The following ANKRD6 variants were observed in gnomAD, a reference collection of about 807,000 sequenced individuals.
ANKRD6 encodes the protein ankyrin repeat domain 6.
A neutral mutation model predicts 82.3 loss-of-function variants in ANKRD6; 56 were observed. That is an observed-to-expected ratio of 0.68 (90% CI 0.55 to 0.85). The LOEUF is 0.85. Among genes scored for constraint, ANKRD6 ranks in the 40% least tolerant of loss-of-function variants. The pLI, the probability that ANKRD6 is intolerant of heterozygous loss-of-function variation, is 0.00. For synonymous variants in ANKRD6, 347 were observed against 352.1 expected (o/e 0.99, Z 0.16); for missense variants, 852 against 907.6 (o/e 0.94, Z 0.79).
intron 1 of ANKRD6, among the ~76,000 whole-genome samples, chr6:89,517,749 T>C (rs1357879909): frequency 6.6e-6 from 1 of 152,252 alleles, no homozygotes; most frequent in Admixed American, 6.5e-5. Flanking sequence ...CTTGTCCTTA[T>C]GACAGTTAAT....
chr6:89,623,309 G>A, intron 10 of ANKRD6, 101 bp from the exon 11 acceptor site: 6 of 1,438,832 alleles, frequency 4.2e-6, no homozygotes, highest in Admixed American at 2.7e-5. Flanking sequence ...GTTCTCGTGG[G>A]TCCCTTACCA....
intron 1 of ANKRD6, among the ~76,000 whole-genome samples, chr6:89,536,660 C>T (rs567862800): frequency 5.9e-5 from 9 of 152,182 alleles, no homozygotes; most frequent in African/African-American, 1.4e-4. Context: ...TCTGCGCGTG[C>T]GCTGTCATAA....
chr6:89,464,731 G>C (rs1470574344), intron 1 of ANKRD6, among the ~76,000 whole-genome samples: 1 of 152,182 alleles, frequency 6.6e-6, no homozygotes, highest in East Asian at 1.9e-4. Flanking sequence ...TAGAATGTGA[G>C]TTACATTTTT....
intron 1 of ANKRD6, among the ~76,000 whole-genome samples, chr6:89,463,528 G>T (rs1475925691): frequency 6.6e-6 from 1 of 152,110 alleles, no homozygotes; most frequent in Non-Finnish European, 1.5e-5. Flanking sequence ...TTTTAACACA[G>T]TATTTCATCA....
intron 2 of ANKRD6, among the ~76,000 whole-genome samples, chr6:89,587,648 G>A (rs1015003639): frequency 1.3e-5 from 2 of 152,134 alleles, no homozygotes; most frequent in African/African-American, 4.8e-5. Context: ...TGATGGGACT[G>A]TTGGCCCCCA....
intron 2 of ANKRD6, among the ~76,000 whole-genome samples, chr6:89,585,631 A>G (rs6935307): frequency 0.87 from 132,665 of 152,298 alleles, 57,853 homozygotes; most frequent in East Asian, 0.95. Context: ...AGGGCCGGCC[A>G]GATGTGATGG....
At position 89,451,216 on chromosome 6, in the gene ANKRD6, G is replaced by A. The variant is rs1582661666; in HGVS notation, c.-144+17841G>A. Among the ~76,000 whole-genome samples the A allele has an allele frequency of 2.6e-5, 4 of 152,240 alleles. No homozygotes were observed. The East Asian group carries it at 7.7e-4, about 29-fold the overall frequency. On this transcript the variant is annotated intron_variant, in intron 1 of 15. Coordinates refer to ENST00000339746, the MANE Select transcript of ANKRD6 (RefSeq NM_001242809.2). ...CTCAGCTGCTCGGAAGGCTGAAATGGGAGGACTGCTTGAGCCTGGGAGGTG... is the reference window on the plus strand; with the variant it reads ...CTCAGCTGCTCGGAAGGCTGAAATGAGAGGACTGCTTGAGCCTGGGAGGTG...
intron 1 of ANKRD6, among the ~76,000 whole-genome samples, chr6:89,486,747 G>C (rs1777427185): frequency 6.6e-6 from 1 of 152,124 alleles, no homozygotes; most frequent in Admixed American, 6.5e-5. Flanking sequence ...TGCTAGAGGT[G>C]CGAGCCACCC....
intron 2 of ANKRD6, among the ~76,000 whole-genome samples, chr6:89,583,777 C>T (rs1793113171): frequency 6.6e-6 from 1 of 152,224 alleles, no homozygotes; most frequent in Non-Finnish European, 1.5e-5. Flanking sequence ...AATGTCTTTT[C>T]CTCCTGCCCT....
chr6:89,554,154 A>C (rs1786246574), intron 1 of ANKRD6, among the ~76,000 whole-genome samples: 1 of 152,212 alleles, frequency 6.6e-6, no homozygotes, highest in South Asian at 2.1e-4. Flanking sequence ...ACCACTGCAA[A>C]CGACATGGCT....
intron 1 of ANKRD6, among the ~76,000 whole-genome samples, chr6:89,538,409 C>T (rs940329326): frequency 2.0e-5 from 3 of 152,162 alleles, no homozygotes; most frequent in Admixed American, 6.5e-5. Context: ...GCATCATCAT[C>T]GGCAAACATG....
At chr6:89,509,918 C>T (rs2127934444) in intron 1 of ANKRD6, among the ~76,000 whole-genome samples, 1 of 152,342 alleles carries the variant, frequency 6.6e-6, no homozygotes, top group Admixed American at 6.5e-5. Context: ...CCTTAATCGC[C>T]AGTGCAAACA....
chr6:89,520,019 G>A (rs1372790602), intron 1 of ANKRD6, among the ~76,000 whole-genome samples: 2 of 152,122 alleles, frequency 1.3e-5, no homozygotes, highest in Non-Finnish European at 2.9e-5. Context: ...ATAGGATCTC[G>A]CTCTGTTGCT....
intron 1 of ANKRD6, among the ~76,000 whole-genome samples, chr6:89,539,738 A>T (rs1784245270): frequency 6.7e-6 from 1 of 148,920 alleles, no homozygotes. Flanking sequence ...AGTAGGTCTT[A>T]TTCTTTTTTT....
At chr6:89,451,056 C>G (rs1047836214) in intron 1 of ANKRD6, among the ~76,000 whole-genome samples, 50 of 152,256 alleles carry the variant, frequency 3.3e-4, no homozygotes, top group African/African-American at 1.2e-3. Context: ...GCCTGTAATC[C>G]TAGCACTTTG....
At chr6:89,508,580 G>A (rs1780152457) in intron 1 of ANKRD6, among the ~76,000 whole-genome samples, 1 of 152,090 alleles carries the variant, frequency 6.6e-6, no homozygotes, top group African/African-American at 2.4e-5. Flanking sequence ...TGGGGGAGGT[G>A]GCTTTAATGG....
intron 2 of ANKRD6, among the ~76,000 whole-genome samples, chr6:89,588,856 T>C (rs970558243): frequency 2.0e-5 from 3 of 151,852 alleles, no homozygotes; most frequent in African/African-American, 7.3e-5. Flanking sequence ...AAATATAAAA[T>C]TAGCTGGGTG....
intron 10 of ANKRD6, among the ~76,000 whole-genome samples, chr6:89,622,679 C>T (rs903665347): frequency 1.3e-5 from 2 of 152,192 alleles, no homozygotes; most frequent in African/African-American, 2.4e-5. Context: ...TTCAGCTCCT[C>T]TTGCCCCACA....
At chr6:89,550,947 A>C (rs1336034794) in intron 1 of ANKRD6, among the ~76,000 whole-genome samples, 1 of 152,172 alleles carries the variant, frequency 6.6e-6, no homozygotes, top group Non-Finnish European at 1.5e-5. Context: ...CAGAGACAAA[A>C]AATAAAAAAC....
Sources: allele counts gnomAD v4.1 joint callset (sites outside exome capture counted in the v4.1 genomes callset), GRCh38; gene constraint gnomAD v4.1.1; transcripts MANE v1.5; gene names NCBI Gene and HGNC (gene_info 2026-07-23, HGNC 2026-07-21).